PKNOX2: variants seen among roughly 807,000 people sequenced by gnomAD.
PKNOX2 encodes homeobox protein PKNOX2.
Under a neutral mutation model 53.1 loss-of-function variants are expected in PKNOX2, and 14 were observed. The observed-to-expected ratio is 0.26, with a 90% CI of 0.17 to 0.41. The LOEUF is 0.41. PKNOX2 is among the 10% of genes least tolerant of loss of function. PKNOX2 has a pLI of 1.00. For synonymous variants in PKNOX2, 257 were observed against 242.8 expected (o/e 1.06, Z -0.54); for missense variants, 496 against 602.8 (o/e 0.82, Z 1.85).
rs12285648 is a variant in PKNOX2 at position 125,352,648 on chromosome 11, G to A, written c.87+1256G>A. ...AGATGCTGTGGGGCTTCTTTCTAGC[G>A]TACCCAGCATATGGAACACCTTTGC... On this transcript the variant is annotated intron_variant, in intron 4 of 12. Transcript: ENST00000298282. This position sits in a 1 kb window ranked among gnomAD's most constrained non-coding sequence, Gnocchi z 4.1. Among the ~76,000 whole-genome samples the A allele has an allele frequency of 7.1e-3, 1,075 of 152,216 alleles. 15 individuals are homozygous for A. The highest frequency in any genetic ancestry group is 0.025 in the African/African-American group (1,019 of 41,530).
intron 2 of PKNOX2, among the ~76,000 whole-genome samples, chr11:125,264,543 C>G (rs972492664): frequency 3.3e-5 from 5 of 152,042 alleles, no homozygotes; most frequent in African/African-American, 7.3e-5. Flanking sequence ...GTGGTCCCTG[C>G]TAAGACCTGG....
intron 2 of PKNOX2, among the ~76,000 whole-genome samples, chr11:125,259,653 T>A (rs910579330): frequency 6.6e-6 from 1 of 152,304 alleles, no homozygotes; most frequent in Admixed American, 6.5e-5. Flanking sequence ...CCTTGGCATG[T>A]CTTCCTTTGG....
chr11:125,409,661 C>T (rs1170716308), intron 7 of PKNOX2, among the ~76,000 whole-genome samples: 2 of 152,038 alleles, frequency 1.3e-5, no homozygotes, highest in Non-Finnish European at 1.5e-5. Context: ...TGGAGAGCAG[C>T]CGGGGGACGG....
chr11:125,383,423 A>T (rs972480285), intron 5 of PKNOX2, among the ~76,000 whole-genome samples: 1 of 148,578 alleles, frequency 6.7e-6, no homozygotes, highest in African/African-American at 2.5e-5. Flanking sequence ...GCCTGGCTAA[A>T]GTGGTGAAAT....
At chr11:125,390,279 CA>C (rs1953961742) in intron 6 of PKNOX2, among the ~76,000 whole-genome samples, 1 of 152,228 alleles carries the variant, frequency 6.6e-6, no homozygotes, top group South Asian at 2.1e-4. Flanking sequence ...GCAATTGAGG[CA>C]AGAGATGCAG....
At chr11:125,218,509 G>A (rs1940794184) in intron 1 of PKNOX2, among the ~76,000 whole-genome samples, 1 of 152,180 alleles carries the variant, frequency 6.6e-6, no homozygotes, top group East Asian at 1.9e-4. Flanking sequence ...AGGGAGCTCA[G>A]GGCAGGAGGG....
Position 125,319,039 on chromosome 11 carries a change from T to C in PKNOX2, c.-129-12780T>C, listed in dbSNP as rs551669053. Among the ~76,000 whole-genome samples the C allele has an allele frequency of 5.6e-4, 86 of 152,360 alleles. 1 individual carries two copies. Among genetic ancestry groups the C allele is most frequent in the African/African-American group, 1.9e-3 (81 of 41,592 alleles). On this transcript the variant is annotated intron_variant, in intron 2 of 12. Transcript: ENST00000298282. ...TTACCCAGTCTCAGGTATTTCTTTA[T>C]AGCAATGTGAAAACAGACTAATACA...
At chr11:125,404,512 T>C (rs915204043) in intron 7 of PKNOX2, among the ~76,000 whole-genome samples, 3 of 152,190 alleles carry the variant, frequency 2.0e-5, no homozygotes, top group Admixed American at 6.5e-5. Flanking sequence ...GACAGGGCCC[T>C]GGCTCTGCCA....
intron 1 of PKNOX2, among the ~76,000 whole-genome samples, chr11:125,167,455 G>A (rs923210372): frequency 2.6e-5 from 4 of 152,172 alleles, no homozygotes; most frequent in Non-Finnish European, 5.9e-5. Flanking sequence ...GAGAGCCCGA[G>A]GGGGGAGGGA....
intron 2 of PKNOX2, among the ~76,000 whole-genome samples, chr11:125,309,947 G>A (rs1321185981): frequency 6.6e-6 from 1 of 152,168 alleles, no homozygotes; most frequent in African/African-American, 2.4e-5. Context: ...AACATTGATT[G>A]GAGACAATCA....
chr11:125,189,580 A>G lies in PKNOX2; in HGVS notation c.-201+24804A>G, dbSNP rs143258223. On this transcript the variant is annotated intron_variant, in intron 1 of 12. Coordinates refer to ENST00000298282, the MANE Select transcript of PKNOX2 (RefSeq NM_001382323.2). ...AACTCAGAAGGTCTTTGTTGTCTCA[A>G]TTCAATTTAACAAATATCTGTGTAA... Among the ~76,000 whole-genome samples the G allele has an allele frequency of 5.1e-3, 766 of 149,528 alleles. 3 individuals are homozygous for G. Among genetic ancestry groups the G allele is most frequent in the Non-Finnish European group, 7.9e-3 (536 of 67,488 alleles).
chr11:125,290,888 A>T (rs1197788923), intron 2 of PKNOX2, among the ~76,000 whole-genome samples: 2 of 152,086 alleles, frequency 1.3e-5, no homozygotes, highest in Admixed American at 1.3e-4. Flanking sequence ...AGAGTGTCAT[A>T]TGGGGGATGC....
chr11:125,231,981 G>A (rs889067296), intron 1 of PKNOX2, among the ~76,000 whole-genome samples: 10 of 152,208 alleles, frequency 6.6e-5, no homozygotes, highest in African/African-American at 2.4e-4. Context: ...CTCACCCAGT[G>A]CACGATTCTC....
At chr11:125,277,996 C>G (rs1946291836) in intron 2 of PKNOX2, among the ~76,000 whole-genome samples, 1 of 151,984 alleles carries the variant, frequency 6.6e-6, no homozygotes, top group Non-Finnish European at 1.5e-5. Flanking sequence ...GCGGGAGGAT[C>G]TCTTGAGCTC....
chr11:125,315,359 ATTAATCCTTGTGCTC>A (rs1162821152), intron 2 of PKNOX2, among the ~76,000 whole-genome samples: 25 of 147,438 alleles, frequency 1.7e-4, no homozygotes, highest in Middle Eastern at 3.5e-3. Context: ...TTGATGCGTT[ATTAATCCTTGTGCTC>A]CCAAACTGGT....
chr11:125,337,955 T>G (rs1950508264), intron 3 of PKNOX2, among the ~76,000 whole-genome samples: 2 of 152,184 alleles, frequency 1.3e-5, no homozygotes, highest in African/African-American at 4.8e-5. Flanking sequence ...TGTCTGACAG[T>G]CTGCCCTAGT....
At chr11:125,402,728 C>T (rs896921805) in intron 7 of PKNOX2, among the ~76,000 whole-genome samples, 40 of 152,268 alleles carry the variant, frequency 2.6e-4, no homozygotes, top group African/African-American at 9.1e-4. Context: ...GAGCTGCAGG[C>T]AGGGATTCTG....
intron 2 of PKNOX2, among the ~76,000 whole-genome samples, chr11:125,260,399 A>G (rs929873690): frequency 2.0e-5 from 3 of 151,540 alleles, no homozygotes; most frequent in East Asian, 2.0e-4. Flanking sequence ...GGGTTTCACC[A>G]TGTTGTCCAG....
intron 1 of PKNOX2, among the ~76,000 whole-genome samples, chr11:125,178,692 G>GAA (rs1291171255): frequency 3.2e-5 from 4 of 124,324 alleles, no homozygotes; most frequent in African/African-American, 1.8e-4. Context: ...GAGAGAGAGA[G>GAA]AGAGAGAAAG....
Sources: allele counts gnomAD v4.1 joint callset (sites outside exome capture counted in the v4.1 genomes callset), GRCh38; gene constraint gnomAD v4.1.1; non-coding constraint Gnocchi (gnomAD v3.1); transcripts MANE v1.5; gene names NCBI Gene and HGNC (gene_info 2026-07-23, HGNC 2026-07-21).